The following CSNK1D variants were observed in gnomAD, a reference collection of about 807,000 sequenced individuals.
The protein encoded by CSNK1D is casein kinase I isoform delta.
Under a neutral mutation model 46.6 loss-of-function variants are expected in CSNK1D, and 16 were observed. That is an observed-to-expected ratio of 0.34 (90% CI 0.23 to 0.52). The LOEUF is 0.52. CSNK1D is among the 20% of genes least tolerant of loss of function. CSNK1D has a pLI of 0.95. For missense variants in CSNK1D, 398 were observed against 578.4 expected, an observed-to-expected ratio of 0.69 and a Z score of 3.20; for synonymous variants, 276 against 228.2, an observed-to-expected ratio of 1.21 and a Z score of -1.89.
chr17:82,247,652 C>A, intron 8 of CSNK1D: 1 of 985,430 alleles, frequency 1.0e-6, no homozygotes, highest in Non-Finnish European at 1.2e-6. Context: ...TGCGCAAGTG[C>A]CAGGCTCGTG....
intron 8 of CSNK1D, chr17:82,246,141 C>T: frequency 6.5e-7 from 1 of 1,547,076 alleles, no homozygotes; most frequent in African/African-American, 1.4e-5. Context: ...CAACCAGGTC[C>T]ACAGACCGAC....
downstream of CSNK1D, among the ~76,000 whole-genome samples, chr17:82,241,456 A>C (rs761578518): frequency 9.2e-5 from 14 of 152,240 alleles, no homozygotes; most frequent in Non-Finnish European, 2.1e-4. Context: ...CAAGCCCTCT[A>C]ACTCTGTCCG....
chr17:82,244,320 T>C lies in CSNK1D; in HGVS notation c.*461A>G. ...AGAATTCCTTAGTCAACATTTTTTT[T>C]GTAAGACTGCAAAAACAGACAAGAA... On this transcript the variant is annotated 3_prime_UTR_variant, in exon 9 of 9. Coordinates refer to ENST00000314028, the MANE Select transcript of CSNK1D (RefSeq NM_001893.6). 5 of 1,101,732 alleles carry C rather than the reference T, an allele frequency of 4.5e-6. No homozygotes were observed. Among genetic ancestry groups the C allele is most frequent in the South Asian group, 2.4e-5 (1 of 42,024 alleles). 68.2% of individuals were successfully genotyped at this position (1,101,732 alleles called of 1,614,324 possible).
chr17:82,251,886 G>C lies in CSNK1D; in HGVS notation c.737-359C>G. 3 of 345,530 alleles carry C rather than the reference G, an allele frequency of 8.7e-6. No individual in the cohort carries two copies. Among genetic ancestry groups the C allele is most frequent in the Non-Finnish European group, 1.7e-5 (3 of 181,258 alleles). The allele number at this position is 345,530 out of a possible 1,614,324, so 21.4% of individuals were successfully genotyped here. ...GCGGGCGCCTGTAGTCCCAGCTACC[G>C]GGGAGGCTGACGCAGGAGAATGGTA... On this transcript the variant is annotated intron_variant, in intron 5 of 8. Transcript: ENST00000314028. The surrounding 1 kb of genome is among the most constrained non-coding windows in gnomAD (Gnocchi z 4.5).
downstream of CSNK1D, chr17:82,239,854 C>G (rs2050715768): frequency 5.8e-6 from 3 of 520,232 alleles, no homozygotes; most frequent in East Asian, 1.1e-4. Flanking sequence ...GGTCTTTGCA[C>G]CCTGTCCTCC....
intron 1 of CSNK1D, among the ~76,000 whole-genome samples, chr17:82,269,096 TAA>T (rs766007194): frequency 1.7e-3 from 175 of 105,360 alleles, no homozygotes; most frequent in African/African-American, 5.2e-3. Flanking sequence ...TACTTTGTCT[TAA>T]AAAAAAAAAA....
At chr17:82,265,437 C>G in intron 2 of CSNK1D, 1 of 484,108 alleles carries the variant, frequency 2.1e-6, no homozygotes, top group Non-Finnish European at 3.8e-6. Context: ...TCTTGGCCTC[C>G]CAAAGTGCTG....
chr17:82,246,242 C>G (rs528080417), intron 8 of CSNK1D: 2 of 1,478,526 alleles, frequency 1.4e-6, no homozygotes, highest in South Asian at 2.6e-5. Context: ...CACTCCTCTT[C>G]TGGAATCACT....
At chr17:82,239,228 C>T (rs924847524), downstream of CSNK1D, 3 of 311,070 alleles carry the variant, frequency 9.6e-6, no homozygotes, top group Non-Finnish European at 1.8e-5. Flanking sequence ...CCGCCTGCTG[C>T]TCCCAGGTGG....
chr17:82,245,613 C>A, intron 8 of CSNK1D: 3 of 338,394 alleles, frequency 8.9e-6, no homozygotes, highest in Admixed American at 8.5e-5. Flanking sequence ...CACGGCCGAC[C>A]GCAGACAAGG....
chr17:82,250,949 C>G lies in CSNK1D; in HGVS notation c.885+430G>C. 1 of 272,180 alleles carries G rather than the reference C, an allele frequency of 3.7e-6. No individual in the cohort carries two copies. The highest frequency in any genetic ancestry group is 7.2e-6 in the Non-Finnish European group (1 of 138,014). The allele number at this position is 272,180 out of a possible 1,614,324, so 16.9% of individuals were successfully genotyped here. The stretch of plus-strand genomic sequence containing the variant: ...TCAAGAAAGCCACAGGGAAAATCAG[C>G]TCATGACAGGGTCAGTCAGGCTAGA... On this transcript the variant is annotated intron_variant, in intron 6 of 8. Coordinates refer to ENST00000314028, the MANE Select transcript of CSNK1D (RefSeq NM_001893.6). The surrounding 1 kb of genome is among the most constrained non-coding windows in gnomAD (Gnocchi z 4.6).
At chr17:82,254,242 G>A (rs2051099715) in intron 3 of CSNK1D, 4 of 255,320 alleles carry the variant, frequency 1.6e-5, no homozygotes, top group Non-Finnish European at 1.4e-5. Context: ...AGAAGCCAGT[G>A]CAGTGCGCTG....
chr17:82,251,621 A>T lies in CSNK1D; in HGVS notation c.737-94T>A. 8.0e-7 allele frequency: 1 copy of T among 1,256,652 alleles called. No homozygotes were observed. Among genetic ancestry groups the T allele is most frequent in the Non-Finnish European group, 1.1e-6 (1 of 869,604 alleles). 77.8% of individuals were successfully genotyped at this position (1,256,652 alleles called of 1,614,324 possible). On this transcript the variant is annotated intron_variant, in intron 5 of 8. Transcript: ENST00000314028. This position sits in a 1 kb window ranked among gnomAD's most constrained non-coding sequence, Gnocchi z 4.5. The stretch of plus-strand genomic sequence containing the variant: ...CGCTGTCTACCTCCTGCTGCTGCAC[A>T]CTCAAGGGGAGAAGGACAGATGCAA...
At chr17:82,247,693 G>A (rs1455244969) in intron 8 of CSNK1D, 1 of 985,320 alleles carries the variant, frequency 1.0e-6, no homozygotes, top group East Asian at 1.1e-4. Flanking sequence ...TTTCTGTGCT[G>A]TGTCTGGAGG....
Position 82,251,062 on chromosome 17 carries a change from C to T in CSNK1D, c.885+317G>A. ...AGCGAATGGGAATGCGCACCCCCAGCCCCCACCCTCTGCCCCCAGGGCATG... is the reference window on the plus strand; with the variant it reads ...AGCGAATGGGAATGCGCACCCCCAGTCCCCACCCTCTGCCCCCAGGGCATG... On this transcript the variant is annotated intron_variant, in intron 6 of 8. Coordinates refer to ENST00000314028, the MANE Select transcript of CSNK1D (RefSeq NM_001893.6). The surrounding 1 kb of genome is among the most constrained non-coding windows in gnomAD (Gnocchi z 4.5). The T allele has an allele frequency of 2.5e-6, 1 of 404,222 alleles. No individual in the cohort carries two copies. Among genetic ancestry groups the T allele is most frequent in the Admixed American group, 3.8e-5 (1 of 26,404 alleles). The allele number at this position is 404,222 out of a possible 1,614,324, so 25.0% of individuals were successfully genotyped here.
At chr17:82,259,607 T>C (rs1485865010) in intron 2 of CSNK1D, among the ~76,000 whole-genome samples, 1 of 152,272 alleles carries the variant, frequency 6.6e-6, no homozygotes, top group Non-Finnish European at 1.5e-5. Context: ...GGTGCTGGCA[T>C]GTGTGCCCCA....
chr17:82,262,228 T>A (rs779546267), intron 2 of CSNK1D, among the ~76,000 whole-genome samples: 7 of 152,238 alleles, frequency 4.6e-5, no homozygotes, highest in Non-Finnish European at 8.8e-5. Context: ...GAAGGCCACG[T>A]AGGGTGGCCG....
At chr17:82,239,932 G>C, downstream of CSNK1D, 1 of 1,149,986 alleles carries the variant, frequency 8.7e-7, no homozygotes, top group South Asian at 4.4e-5. Flanking sequence ...GTGGCCAGCA[G>C]TGGCCTGCGT....
chr17:82,253,499 C>G, intron 3 of CSNK1D: 1 of 495,008 alleles, frequency 2.0e-6, no homozygotes, highest in Non-Finnish European at 3.8e-6. Flanking sequence ...GGTGAGGCGA[C>G]AGAGAGGGGA....
Sources: gnomAD v4.1 joint callset for allele counts (sites outside exome capture counted in the v4.1 genomes callset) on GRCh38, gnomAD v4.1.1 for gene constraint, Gnocchi (gnomAD v3.1) non-coding constraint, MANE v1.5 for transcripts, NCBI Gene and HGNC (gene_info 2026-07-23, HGNC 2026-07-21) for gene names.